Variants in NOXRED1 observed in about 807,000 individuals in gnomAD.
NOXRED1 encodes the protein NADP dependent oxidoreductase domain containing 1.
A neutral mutation model predicts 30.4 loss-of-function variants in NOXRED1; 20 were observed. The ratio of observed to expected loss-of-function variants is 0.66; its 90% CI spans 0.46 to 0.96. The LOEUF is 0.96. NOXRED1 is among the 40% of genes least tolerant of loss of function. The pLI, the probability that NOXRED1 is intolerant of heterozygous loss-of-function variation, is 0.00. For missense variants in NOXRED1, 374 were observed against 428.0 expected, an observed-to-expected ratio of 0.87 and a Z score of 1.11; for synonymous variants, 155 against 168.0, an observed-to-expected ratio of 0.92 and a Z score of 0.60.
rs752577195 is a variant in NOXRED1, at chr14:77,406,634, C to CACACAGAG, written c.682+89_682+90insCTCTGTGT. On this transcript the variant is annotated intron_variant, in intron 4 of 5. Coordinates refer to ENST00000380835, the MANE Select transcript of NOXRED1 (RefSeq NM_001113475.3). ...ACACACACACACACACACACACACA[C>CACACAGAG]AGAGAGAGAGAGATTGATTTAATAA... 8.4e-6 allele frequency: 4 copies of CACACAGAG among 474,460 alleles called. No individual in the cohort carries two copies. The African/African-American group carries it at 1.9e-4, about 23-fold the overall frequency. 29.4% of individuals were successfully genotyped at this position (474,460 alleles called of 1,614,324 possible).
intron 3 of NOXRED1, 112 bp from the exon 4 acceptor site, chr14:77,406,987 G>A (rs1421399772): frequency 2.2e-6 from 2 of 917,926 alleles, no homozygotes; most frequent in Non-Finnish European, 3.4e-6. Context: ...ACAGCTCAGA[G>A]ATAAATGCGG....
chr14:77,414,193 T>A (rs538743562), intron 1 of NOXRED1, 66 bp from the exon 2 acceptor site: 120,502 of 1,055,902 alleles, frequency 0.11, 8,962 homozygotes, highest in South Asian at 0.12. Flanking sequence ...TTTTTTTTTT[T>A]TTTTTTGAGA....
chr14:77,413,821 G>A lies in NOXRED1; in HGVS notation c.349+113C>T, dbSNP rs148470140. ...ACCTTTCTTAGGGCTAGCAAGCTGA[G>A]AACTCCACACGCTGTATGCAAGGAT... On this transcript the variant is annotated intron_variant, in intron 2 of 5. Coordinates refer to ENST00000380835, the MANE Select transcript of NOXRED1 (RefSeq NM_001113475.3). 1,651 of 636,502 alleles carry A rather than the reference G, an allele frequency of 2.6e-3. 14 individuals are homozygous for A. The highest frequency in any genetic ancestry group is 0.011 in the African/African-American group (593 of 53,366). The allele number at this position is 636,502 out of a possible 1,614,324, so 39.4% of individuals were successfully genotyped here.
chr14:77,408,665 G>C (rs1894549970), intron 2 of NOXRED1, among the ~76,000 whole-genome samples: 1 of 152,154 alleles, frequency 6.6e-6, no homozygotes, highest in African/African-American at 2.4e-5. Flanking sequence ...TTACAGATGA[G>C]ACTGAGGATT....
At chr14:77,397,659 G>A (rs1474196960) in intron 5 of NOXRED1, among the ~76,000 whole-genome samples, 14 of 152,136 alleles carry the variant, frequency 9.2e-5, no homozygotes. Flanking sequence ...GGCCAAGGCA[G>A]GCGGATCATT....
chr14:77,422,657 A>C, intron 1 of NOXRED1, 78 bp downstream of exon 1: 1 of 1,439,246 alleles, frequency 6.9e-7, no homozygotes, highest in African/African-American at 1.4e-5. Context: ...ACCCTCCAAT[A>C]TAAAAAAAAT....
intron 2 of NOXRED1, among the ~76,000 whole-genome samples, chr14:77,412,101 TAAAAA>T (rs71128621): frequency 1.6e-5 from 1 of 63,736 alleles, no homozygotes; most frequent in Non-Finnish European, 3.1e-5. Context: ...AGACTCAGTC[TAAAAA>T]AAAAAAAAAA....
In NOXRED1 at chr14:77,414,094, A is replaced by T. The variant is rs1386433081; in HGVS notation, c.189T>A (p.His63Gln). 2 of 1,603,340 alleles carry T rather than the reference A, an allele frequency of 1.2e-6. No homozygotes were observed. The highest frequency in any genetic ancestry group is 1.7e-6 in the Non-Finnish European group (2 of 1,172,002). Reference protein sequence around the residue: ...ASLNKNQSSRHLSIGSLNSAT... With the variant: ...ASLNKNQSSRQLSIGSLNSAT... ...CTGAATTAAGGGAGCCAATTGAGAG[A>T]TGTCTGGAACTTTGATTCTTATTTA... The change falls in exon 2 of 6, where the codon CAT becomes CAA. Residue 63 changes from histidine to glutamine, a missense_variant. Coordinates refer to ENST00000380835, the MANE Select transcript of NOXRED1 (RefSeq NM_001113475.3).
chr14:77,419,429 T>G (rs1894924313), intron 1 of NOXRED1, among the ~76,000 whole-genome samples: 1 of 123,176 alleles, frequency 8.1e-6, no homozygotes, highest in African/African-American at 3.3e-5. Flanking sequence ...GTTGACAGGT[T>G]TTTTTTTTTC....
At chr14:77,407,387 A>C in intron 3 of NOXRED1, 78 bp downstream of exon 3, 1 of 1,003,608 alleles carries the variant, frequency 1.0e-6, no homozygotes. Context: ...TAGGGGCTAC[A>C]GTGGAGGTGG....
In NOXRED1 at chr14:77,400,512, A is replaced by G. The variant is rs1026898951; in HGVS notation, c.905+5401T>C. Among the ~76,000 whole-genome samples the G allele has an allele frequency of 1.9e-4, 29 of 152,348 alleles. 1 individual carries two copies. The highest frequency in any genetic ancestry group is 7.0e-4 in the African/African-American group (29 of 41,578). On this transcript the variant is annotated intron_variant, in intron 5 of 5. Transcript: ENST00000380835. ...CATTTTAGGAATACAGGAGACATCA[A>G]TCACTATATGTAAGATGTACATTGG...
At chr14:77,409,277 C>T (rs1894577112) in intron 2 of NOXRED1, among the ~76,000 whole-genome samples, 1 of 152,056 alleles carries the variant, frequency 6.6e-6, no homozygotes, top group South Asian at 2.1e-4. Context: ...GAGGGAGGGA[C>T]CTGGTGTGAG....
chr14:77,410,345 C>T (rs1276457997), intron 2 of NOXRED1, among the ~76,000 whole-genome samples: 4 of 152,096 alleles, frequency 2.6e-5, no homozygotes, highest in Non-Finnish European at 4.4e-5. Flanking sequence ...GTGGCTCACA[C>T]CTATATCCCA....
chr14:77,413,094 A>T (rs1894705329), intron 2 of NOXRED1, among the ~76,000 whole-genome samples: 1 of 152,156 alleles, frequency 6.6e-6, no homozygotes, highest in Non-Finnish European at 1.5e-5. Flanking sequence ...ACAAAAGCAT[A>T]CACCCATTTA....
rs1895031853 is a variant in NOXRED1 at position 77,422,760 on chromosome 14, A to G, written c.130T>C (p.Phe44Leu). The change falls in exon 1 of 6, where the codon TTC becomes CTC. Residue 44 changes from phenylalanine to leucine, a missense_variant. Transcript: ENST00000380835. ...MIEACAHATF[F>L]CKLLYNLRAS... Reference sequence around the variant, plus strand: ...CTCAAATTATATAATAGTTTGCAGAAGAAGGTTGCATGGGCACAAGCCTCG... The same window carrying G: ...CTCAAATTATATAATAGTTTGCAGAGGAAGGTTGCATGGGCACAAGCCTCG... 3 of 1,614,060 alleles carry G rather than the reference A, an allele frequency of 1.9e-6. No homozygotes were observed. The South Asian group carries it at 3.3e-5, about 18-fold the overall frequency.
In NOXRED1 at chr14:77,422,964, G is replaced by A; in HGVS notation, c.-75C>T. On this transcript the variant is annotated 5_prime_UTR_variant, in exon 1 of 6. Transcript: ENST00000380835. ...CTGTCCCGGTAGAAGAGGGGTCTAT[G>A]TAGGAGGTGTGTGTATGATGGTGTG... 6.3e-6 allele frequency: 8 copies of A among 1,272,836 alleles called. No homozygotes were observed. The highest frequency in any genetic ancestry group is 1.1e-6 in the Non-Finnish European group (1 of 899,244). The allele number at this position is 1,272,836 out of a possible 1,614,324, so 78.8% of individuals were successfully genotyped here.
At chr14:77,404,526 C>T (rs1894407243) in intron 5 of NOXRED1, among the ~76,000 whole-genome samples, 1 of 152,060 alleles carries the variant, frequency 6.6e-6, no homozygotes, top group African/African-American at 2.4e-5. Flanking sequence ...GACATTTAGG[C>T]TAGAGATACA....
At chr14:77,412,913 G>GA (rs558484443) in intron 2 of NOXRED1, among the ~76,000 whole-genome samples, 44 of 147,144 alleles carry the variant, frequency 3.0e-4, no homozygotes, top group African/African-American at 3.0e-4. Flanking sequence ...TATAATTAGA[G>GA]AAAAAAAAAA....
rs940210235 is a variant in NOXRED1 at position 77,394,520 on chromosome 14, G to C, written c.*111C>G. 2 of 721,184 alleles carry C rather than the reference G, an allele frequency of 2.8e-6. No individual in the cohort carries two copies. Among genetic ancestry groups the C allele is most frequent in the African/African-American group, 3.5e-5 (2 of 56,938 alleles). 44.7% of individuals were successfully genotyped at this position (721,184 alleles called of 1,614,324 possible). On this transcript the variant is annotated 3_prime_UTR_variant, in exon 6 of 6. Transcript: ENST00000380835. Reference sequence around the variant, plus strand: ...TTTTATAATTCCTGATGTCTATCATGTGGCAAACACAATACAGCCACAAGA... The same window carrying C: ...TTTTATAATTCCTGATGTCTATCATCTGGCAAACACAATACAGCCACAAGA...
Sources: gnomAD v4.1 joint callset for allele counts (sites outside exome capture counted in the v4.1 genomes callset) on GRCh38, gnomAD v4.1.1 for gene constraint, MANE v1.5 for transcripts, NCBI Gene and HGNC (gene_info 2026-07-23, HGNC 2026-07-21) for gene names.